The following STAG2 variants were observed in gnomAD, a reference collection of about 807,000 sequenced individuals.
STAG2 encodes the protein STAG2 cohesin complex component, also known as cohesin subunit SA-2.
A neutral mutation model predicts 108.1 loss-of-function variants in STAG2; 14 were observed. The observed-to-expected ratio is 0.13, with a 90% CI of 0.09 to 0.20. STAG2 has a LOEUF of 0.20. Ranked by LOEUF, STAG2 falls within the 10% of genes least tolerant of loss-of-function variation. STAG2 has a pLI of 1.00. For missense variants in STAG2, 440 were observed against 940.9 expected (o/e 0.47, Z 6.96); for synonymous variants, 307 against 302.7 (o/e 1.01, Z -0.15).
At chrX:124,024,531 T>A (rs182838822) in intron 3 of STAG2, among the ~76,000 whole-genome samples, 7 of 111,230 alleles carry the variant, frequency 6.3e-5, no homozygotes, top group Admixed American at 1.9e-4. Context: ...ACAGGCCCTT[T>A]CCTCTCAACA....
intron 1 of STAG2, among the ~76,000 whole-genome samples, chrX:124,008,664 A>C (rs2056392677): frequency 8.9e-6 from 1 of 112,036 alleles, no homozygotes; most frequent in South Asian, 3.7e-4. Context: ...TTAATTTATT[A>C]ATCAGGATAG....
intron 25 of STAG2, among the ~76,000 whole-genome samples, chrX:124,073,196 C>CT (rs891123063): frequency 9.0e-6 from 1 of 111,442 alleles, no homozygotes; most frequent in African/African-American, 3.3e-5. Context: ...TATAAAACGT[C>CT]TTTTTTTAAA....
chrX:123,997,452 A>G (rs889065851), intron 1 of STAG2, among the ~76,000 whole-genome samples: 1 of 112,066 alleles, frequency 8.9e-6, no homozygotes, highest in Non-Finnish European at 1.9e-5. Context: ...CCCATAAACA[A>G]TGACTCCACA....
At chrX:123,965,484 A>T (rs1480928304) in intron 1 of STAG2, among the ~76,000 whole-genome samples, 1 of 111,658 alleles carries the variant, frequency 9.0e-6, no homozygotes, top group Non-Finnish European at 1.9e-5. Flanking sequence ...GGCTTGGGGG[A>T]CAGGCTAAGG....
chrX:124,036,543 C>G (rs954215993), intron 5 of STAG2, among the ~76,000 whole-genome samples: 4 of 110,599 alleles, frequency 3.6e-5, no homozygotes, highest in African/African-American at 1.3e-4. Flanking sequence ...CACCACCACA[C>G]CCAGCTAATT....
At chrX:123,993,408 C>G (rs1293449903) in intron 1 of STAG2, among the ~76,000 whole-genome samples, 4 of 111,444 alleles carry the variant, frequency 3.6e-5, no homozygotes, top group Non-Finnish European at 7.5e-5. Flanking sequence ...TAAATTTGAG[C>G]AATACCTTTC....
intron 4 of STAG2, among the ~76,000 whole-genome samples, chrX:124,028,622 C>T (rs2057184687): frequency 9.2e-6 from 1 of 108,631 alleles, no homozygotes; most frequent in Non-Finnish European, 1.9e-5. Flanking sequence ...TTTAAAGTAA[C>T]TGTTAAGAGT....
Position 124,031,125 on chromosome X carries a change from G to A in STAG2, c.288G>A (p.Gln96=). 8.3e-7 allele frequency: 1 copy of A among 1,199,903 alleles called. No individual in the cohort carries two copies. Among genetic ancestry groups the A allele is most frequent in the Non-Finnish European group, 1.1e-6 (1 of 890,388 alleles). ...EVVKMGKSAM[Q]SVVDDWIESY... ...TTAAAATGGGCAAGAGTGCTATGCA[G>A]GTAAGATTTATGTTGTTCTTCCCAG... is the stretch of plus-strand genomic sequence containing the variant. Residue 96 remains glutamine, a splice_region_variant and synonymous_variant, in exon 5 of 35, where the codon CAG becomes CAA. Transcript: ENST00000371145.
chrX:124,081,571 A>G (rs1424822972), intron 28 of STAG2, 43 bp downstream of exon 28: 1 of 1,026,211 alleles, frequency 9.7e-7, no homozygotes. Context: ...TTTTTTAGTC[A>G]TGAAACTTTA....
intron 20 of STAG2, among the ~76,000 whole-genome samples, chrX:124,064,916 G>GT (rs938009737): frequency 9.0e-6 from 1 of 111,150 alleles, no homozygotes. Context: ...TTTACATTCA[G>GT]TTTTTTTGAT....
intron 1 of STAG2, among the ~76,000 whole-genome samples, chrX:124,009,762 T>C (rs1303142216): frequency 2.7e-5 from 3 of 111,899 alleles, no homozygotes; most frequent in Non-Finnish European, 5.6e-5. Flanking sequence ...TAGGTTTCAA[T>C]GACAGTTTTC....
intron 8 of STAG2, 81 bp from the exon 9 acceptor site, chrX:124,047,273 T>G: frequency 1.1e-6 from 1 of 870,539 alleles, no homozygotes; most frequent in Non-Finnish European, 1.6e-6. Context: ...CATTTCTGCT[T>G]AATATTTCTA....
intron 1 of STAG2, among the ~76,000 whole-genome samples, chrX:123,964,034 G>T (rs913970622): frequency 9.0e-6 from 1 of 111,539 alleles, no homozygotes; most frequent in African/African-American, 3.3e-5. Flanking sequence ...GTAGCTGGAT[G>T]AATACAGAAG....
chrX:124,053,682 A>C (rs752031925), intron 13 of STAG2, among the ~76,000 whole-genome samples: 1 of 111,866 alleles, frequency 8.9e-6, no homozygotes, highest in Admixed American at 9.5e-5. Context: ...ACACATATGC[A>C]CCACTAAAAT....
rs1240569221 is a variant in STAG2, at chrX:124,029,007, A to ATTTATT, written c.124-1953_124-1952insTTATTT. Among the ~76,000 whole-genome samples, 312 of 96,607 alleles carry ATTTATT rather than the reference A, an allele frequency of 3.2e-3. 2 individuals carry two copies. The highest frequency in any genetic ancestry group is 0.011 in the African/African-American group (292 of 25,575). 83.9% of individuals were successfully genotyped at this position (96,607 alleles called of 115,157 possible). ...TATTTATATATATATATATATATATATATATATTTATTTATTTATTTATTT... is the reference window on the plus strand; with the variant it reads ...TATTTATATATATATATATATATATATTTATTTATATATTTATTTATTTATTTATTT... On this transcript the variant is annotated intron_variant, in intron 4 of 34. Transcript: ENST00000371145.
intron 11 of STAG2, among the ~76,000 whole-genome samples, chrX:124,050,531 T>C (rs933534762): frequency 9.0e-6 from 1 of 111,588 alleles, no homozygotes; most frequent in South Asian, 3.8e-4. Flanking sequence ...TGGTGAATCA[T>C]TTTTTTGCTG....
intron 1 of STAG2, among the ~76,000 whole-genome samples, chrX:124,004,047 A>G (rs1234815864): frequency 1.8e-5 from 2 of 112,229 alleles, no homozygotes; most frequent in Non-Finnish European, 3.8e-5. Flanking sequence ...CAGTAGCATT[A>G]AGTGCTTTCA....
chrX:124,083,222 G>GTT (rs1211339520), intron 28 of STAG2, among the ~76,000 whole-genome samples, 199 bp from the exon 29 acceptor site: 1 of 110,946 alleles, frequency 9.0e-6, no homozygotes, highest in Non-Finnish European at 1.9e-5. Flanking sequence ...GTGTGTGTGT[G>GTT]TATTGTTTTA....
chrX:124,073,891 C>G (rs905985025), intron 25 of STAG2, among the ~76,000 whole-genome samples: 64 of 111,358 alleles, frequency 5.7e-4, no homozygotes, highest in South Asian at 7.4e-4. Context: ...ATTTGTATTC[C>G]TCCCTTATCC....
Sources: gnomAD v4.1 joint callset for allele counts (sites outside exome capture counted in the v4.1 genomes callset) on GRCh38, gnomAD v4.1.1 for gene constraint, MANE v1.5 for transcripts, NCBI Gene and HGNC (gene_info 2026-07-23, HGNC 2026-07-21) for gene names.